Variants in GPC5 observed in about 807,000 individuals in gnomAD.
GPC5 encodes glypican 5.
In GPC5, 47 loss-of-function variants were observed where a neutral mutation model predicts 53.9. The ratio of observed to expected loss-of-function variants is 0.87; its 90% CI spans 0.69 to 1.11. The LOEUF is 1.11. GPC5 is among the 50% of genes most tolerant of loss of function. GPC5 has a pLI of 0.00. For missense variants in GPC5, 748 were observed against 713.1 expected, an observed-to-expected ratio of 1.05 and a Z score of -0.56; for synonymous variants, 286 against 263.3, an observed-to-expected ratio of 1.09 and a Z score of -0.84.
At chr13:91,887,806 C>T (rs1676954824) in intron 5 of GPC5, among the ~76,000 whole-genome samples, 1 of 152,146 alleles carries the variant, frequency 6.6e-6, no homozygotes, top group African/African-American at 2.4e-5. Context: ...TGGTCAAAGC[C>T]ATTCAACATG....
At chr13:91,578,519 A>G (rs924659076) in intron 2 of GPC5, among the ~76,000 whole-genome samples, 1 of 152,148 alleles carries the variant, frequency 6.6e-6, no homozygotes, top group Non-Finnish European at 1.5e-5. Flanking sequence ...TCAAATTTCA[A>G]TGTGTTCTCC....
intron 6 of GPC5, among the ~76,000 whole-genome samples, chr13:92,136,615 CTG>C (rs1490625096): frequency 2.0e-5 from 3 of 152,080 alleles, no homozygotes; most frequent in African/African-American, 7.2e-5. Context: ...TCTCATATAT[CTG>C]TGTAAATGAT....
chr13:92,786,233 G>A (rs1485325187), intron 7 of GPC5, among the ~76,000 whole-genome samples: 1 of 152,122 alleles, frequency 6.6e-6, no homozygotes, highest in Non-Finnish European at 1.5e-5. Flanking sequence ...ATAAAATGTG[G>A]GATGTAGAAA....
At chr13:92,476,818 C>G (rs4288866) in intron 7 of GPC5, among the ~76,000 whole-genome samples, 42,507 of 141,860 alleles carry the variant, frequency 0.3, 6,856 homozygotes, top group East Asian at 0.4. Flanking sequence ...ACCGCATATT[C>G]TCACTCATAG....
At chr13:91,467,145 AAT>A (rs1478469702) in intron 2 of GPC5, among the ~76,000 whole-genome samples, 4 of 152,194 alleles carry the variant, frequency 2.6e-5, no homozygotes, top group African/African-American at 4.8e-5. Flanking sequence ...TATTGTGGAA[AAT>A]AGACAAATGC....
intron 7 of GPC5, among the ~76,000 whole-genome samples, chr13:92,217,125 C>T (rs1483759420): frequency 6.6e-6 from 1 of 152,164 alleles, no homozygotes; most frequent in African/African-American, 2.4e-5. Context: ...GCTTGTGCCT[C>T]AGGGTATGCT....
At chr13:92,459,160 A>C (rs1360918756) in intron 7 of GPC5, among the ~76,000 whole-genome samples, 1 of 152,180 alleles carries the variant, frequency 6.6e-6, no homozygotes, top group Non-Finnish European at 1.5e-5. Context: ...GCATCTCCAC[A>C]TCTTATTGAA....
chr13:91,628,417 T>C (rs1428607935), intron 2 of GPC5, among the ~76,000 whole-genome samples: 1 of 152,154 alleles, frequency 6.6e-6, no homozygotes, highest in Admixed American at 6.6e-5. Flanking sequence ...TCATGTGTTA[T>C]TTCAGGTAGA....
chr13:92,139,121 T>G (rs909690024), intron 6 of GPC5, among the ~76,000 whole-genome samples: 2 of 152,188 alleles, frequency 1.3e-5, no homozygotes, highest in African/African-American at 4.8e-5. Flanking sequence ...TTTTAAAAAC[T>G]TAGAAGTCTC....
intron 6 of GPC5, among the ~76,000 whole-genome samples, chr13:92,131,796 A>C (rs1315688170): frequency 6.6e-6 from 1 of 151,954 alleles, no homozygotes; most frequent in Non-Finnish European, 1.5e-5. Context: ...AAAATTCAAT[A>C]AGGAGTATAC....
intron 2 of GPC5, among the ~76,000 whole-genome samples, chr13:91,614,811 A>G (rs1166957949): frequency 1.3e-5 from 2 of 152,178 alleles, no homozygotes; most frequent in Non-Finnish European, 2.9e-5. Context: ...AATACTCAAG[A>G]TATTCCTATC....
intron 7 of GPC5, among the ~76,000 whole-genome samples, chr13:92,179,782 C>T (rs1369637153): frequency 6.6e-6 from 1 of 152,092 alleles, no homozygotes; most frequent in Admixed American, 6.6e-5. Flanking sequence ...ACTTTCTGTT[C>T]TGGCACATGG....
intron 5 of GPC5, among the ~76,000 whole-genome samples, chr13:91,807,302 A>C (rs553510237): frequency 2.1e-4 from 32 of 152,280 alleles, no homozygotes; most frequent in African/African-American, 6.5e-4. Context: ...AGTTATCATA[A>C]ATTACCACAA....
At chr13:91,422,091 A>G (rs947403313) in intron 1 of GPC5, among the ~76,000 whole-genome samples, 2 of 152,230 alleles carry the variant, frequency 1.3e-5, no homozygotes, top group African/African-American at 2.4e-5. Flanking sequence ...CTACAGAAGC[A>G]TTACAAAAAA....
chr13:92,140,095 G>T (rs528255030), intron 6 of GPC5, among the ~76,000 whole-genome samples: 1 of 152,248 alleles, frequency 6.6e-6, no homozygotes, highest in Admixed American at 6.5e-5. Context: ...GGAAAAAGAG[G>T]TATTTGAGTT....
intron 7 of GPC5, among the ~76,000 whole-genome samples, chr13:92,760,339 ATTACT>A (rs1011988946): frequency 2.6e-5 from 4 of 152,082 alleles, no homozygotes; most frequent in African/African-American, 7.2e-5. Flanking sequence ...GTTTTTAATT[ATTACT>A]TTAATGTCTT....
At chr13:92,285,826 C>T (rs1156796647) in intron 7 of GPC5, among the ~76,000 whole-genome samples, 1 of 152,106 alleles carries the variant, frequency 6.6e-6, no homozygotes, top group East Asian at 1.9e-4. Flanking sequence ...AGGACATAGG[C>T]ATGGGCAAGG....
intron 2 of GPC5, among the ~76,000 whole-genome samples, chr13:91,495,972 G>A (rs950698462): frequency 3.3e-5 from 5 of 151,910 alleles, no homozygotes; most frequent in East Asian, 1.9e-4. Flanking sequence ...GCAGTGAGCC[G>A]AGATAGCACC....
At chr13:91,582,026 G>A (rs560818596) in intron 2 of GPC5, among the ~76,000 whole-genome samples, 1 of 152,244 alleles carries the variant, frequency 6.6e-6, no homozygotes, top group East Asian at 1.9e-4. Context: ...TCTTGCTTGT[G>A]TTTTCAGATT....
Sources: gnomAD v4.1 joint callset for allele counts (sites outside exome capture counted in the v4.1 genomes callset) on GRCh38, gnomAD v4.1.1 for gene constraint, MANE v1.5 for transcripts, NCBI Gene and HGNC (gene_info 2026-07-23, HGNC 2026-07-21) for gene names.